ROR1: variants seen among roughly 807,000 people sequenced by gnomAD.
The protein encoded by ROR1 is ROR family WNT receptor 1, also known as inactive tyrosine-protein kinase transmembrane receptor ROR1.
A neutral mutation model predicts 78.8 loss-of-function variants in ROR1; 19 were observed. That is an observed-to-expected ratio of 0.24 (90% CI 0.17 to 0.35). ROR1 has a LOEUF of 0.35. ROR1 is among the 10% of genes least tolerant of loss of function. ROR1 has a pLI of 1.00. For synonymous variants in ROR1, 386 were observed against 433.6 expected, an observed-to-expected ratio of 0.89 and a Z score of 1.36; for missense variants, 917 against 1,177.8, an observed-to-expected ratio of 0.78 and a Z score of 3.24.
chr1:64,012,608 G>A (rs1044375045), intron 2 of ROR1, among the ~76,000 whole-genome samples: 1 of 152,132 alleles, frequency 6.6e-6, no homozygotes, highest in Non-Finnish European at 1.5e-5. Context: ...CTGATGTTGA[G>A]CTTACTTTAA....
intron 2 of ROR1, among the ~76,000 whole-genome samples, chr1:64,035,811 C>G (rs1278918187): frequency 5.9e-5 from 9 of 152,246 alleles, no homozygotes; most frequent in African/African-American, 1.7e-4. Flanking sequence ...GGTTCTCGTT[C>G]CTCCCGAAAC....
intron 1 of ROR1, among the ~76,000 whole-genome samples, chr1:63,889,526 G>A (rs916375240): frequency 2.6e-5 from 4 of 152,134 alleles, no homozygotes; most frequent in African/African-American, 9.6e-5. Flanking sequence ...AGTCCTGGAA[G>A]AACGAAGTGC....
chr1:63,951,614 C>T (rs1645936377), intron 1 of ROR1, among the ~76,000 whole-genome samples: 1 of 152,142 alleles, frequency 6.6e-6, no homozygotes, highest in Non-Finnish European at 1.5e-5. Context: ...CCCAGGGAGC[C>T]ATGAAGATGA....
intron 1 of ROR1, among the ~76,000 whole-genome samples, chr1:63,823,514 A>T (rs946468730): frequency 6.3e-5 from 8 of 126,074 alleles, no homozygotes; most frequent in African/African-American, 2.2e-4. Context: ...CAGTGGTGCT[A>T]TCATAGCTCG....
chr1:64,092,595 C>T (rs903756264), intron 4 of ROR1, among the ~76,000 whole-genome samples: 5 of 152,118 alleles, frequency 3.3e-5, no homozygotes, highest in African/African-American at 9.7e-5. Context: ...CCTACTTCAA[C>T]CTGAATTAAT....
chr1:64,110,293 A>C (rs1361424667), intron 4 of ROR1, among the ~76,000 whole-genome samples: 1 of 152,132 alleles, frequency 6.6e-6, no homozygotes, highest in Non-Finnish European at 1.5e-5. Flanking sequence ...TATGTGCATA[A>C]GTGTATTGTA....
chr1:64,082,297 A>T (rs1038162858), intron 4 of ROR1, among the ~76,000 whole-genome samples: 16 of 152,330 alleles, frequency 1.1e-4, no homozygotes, highest in Admixed American at 2.0e-4. Flanking sequence ...ATGCAAGGGA[A>T]TGATAAAGCT....
intron 2 of ROR1, among the ~76,000 whole-genome samples, chr1:64,015,329 T>C (rs544012668): frequency 1.2e-4 from 18 of 152,292 alleles, no homozygotes; most frequent in African/African-American, 4.3e-4. Context: ...CCAACTAGCA[T>C]GTCTATGGGA....
At chr1:64,132,760 C>CA (rs749607703) in intron 4 of ROR1, among the ~76,000 whole-genome samples, 26,219 of 70,412 alleles carry the variant, frequency 0.37, 6,376 homozygotes, top group East Asian at 0.65. Flanking sequence ...GACTCCATCT[C>CA]AAAAAAAAAA....
intron 4 of ROR1, among the ~76,000 whole-genome samples, chr1:64,095,971 C>G (rs185596854): frequency 1.8e-4 from 27 of 152,204 alleles, no homozygotes; most frequent in Admixed American, 5.2e-4. Context: ...CTAAATAAAC[C>G]TCTTAATACT....
intron 7 of ROR1, among the ~76,000 whole-genome samples, chr1:64,157,015 G>A (rs1649794695): frequency 6.6e-6 from 1 of 152,192 alleles, no homozygotes; most frequent in Admixed American, 6.5e-5. Context: ...GGATAAGGAT[G>A]TCATCTACCT....
chr1:63,793,500 A>G (rs1478004553), intron 1 of ROR1, among the ~76,000 whole-genome samples: 1 of 152,242 alleles, frequency 6.6e-6, no homozygotes, highest in Non-Finnish European at 1.5e-5. Context: ...GAAAATATGT[A>G]CATCTATTAT....
At chr1:63,782,023 C>G (rs1487640033) in intron 1 of ROR1, among the ~76,000 whole-genome samples, 1 of 152,128 alleles carries the variant, frequency 6.6e-6, no homozygotes, top group Non-Finnish European at 1.5e-5. Context: ...CTATAGCGCT[C>G]CTAGAACTCT....
chr1:63,774,352 A>G lies in ROR1; in HGVS notation c.-66A>G, dbSNP rs1472489432. 2.8e-6 allele frequency: 3 copies of G among 1,064,350 alleles called. No individual in the cohort carries two copies. Among genetic ancestry groups the G allele is most frequent in the South Asian group, 1.7e-5 (1 of 59,836 alleles). 65.9% of individuals were successfully genotyped at this position (1,064,350 alleles called of 1,614,324 possible). On this transcript the variant is annotated 5_prime_UTR_variant, in exon 1 of 9. Transcript: ENST00000371079. This position sits in a 1 kb window ranked among gnomAD's most constrained non-coding sequence, Gnocchi z 5.7. ...GGACGAGGCGGCCGGGAGCCCGGGA[A>G]GAGCCCGTGGATGTTCTGCGCGCGG...
chr1:64,061,013 C>T (rs1270412834), intron 4 of ROR1, among the ~76,000 whole-genome samples: 2 of 152,114 alleles, frequency 1.3e-5, no homozygotes, highest in African/African-American at 2.4e-5. Flanking sequence ...ACACCCTTGC[C>T]TTCTAGGAGT....
chr1:63,916,199 C>T (rs1288553336), intron 1 of ROR1, among the ~76,000 whole-genome samples: 1 of 152,172 alleles, frequency 6.6e-6, no homozygotes, highest in Non-Finnish European at 1.5e-5. Context: ...TAAGTTTCCT[C>T]TTCGCATGAA....
At position 63,793,993 on chromosome 1, in the gene ROR1, G is replaced by A. The variant is rs575612090; in HGVS notation, c.91+19485G>A. 8.9e-4 allele frequency among the ~76,000 whole-genome samples: 136 copies of A among 152,276 alleles called. 1 individual carries two copies. Among genetic ancestry groups the A allele is most frequent in the African/African-American group, 3.2e-3 (133 of 41,550 alleles). ...GCACCTAGGATTAGATAGAACTGCCGCTAATGCAGTTAGGTAAAGGCAAGG... is the reference window on the plus strand; with the variant it reads ...GCACCTAGGATTAGATAGAACTGCCACTAATGCAGTTAGGTAAAGGCAAGG... On this transcript the variant is annotated intron_variant, in intron 1 of 8. Transcript: ENST00000371079.
At chr1:64,059,708 T>TA (rs75359961) in intron 4 of ROR1, among the ~76,000 whole-genome samples, 97,133 of 130,824 alleles carry the variant, frequency 0.74, 35,995 homozygotes, top group East Asian at 0.86. Flanking sequence ...GACTCCATCT[T>TA]AAAAAAAAAA....
intron 2 of ROR1, among the ~76,000 whole-genome samples, chr1:64,046,255 C>G (rs1323910743): frequency 6.6e-6 from 1 of 152,180 alleles, no homozygotes; most frequent in Non-Finnish European, 1.5e-5. Flanking sequence ...TGTGAATTCC[C>G]TCTGGACTGG....
Sources: allele counts gnomAD v4.1 joint callset (sites outside exome capture counted in the v4.1 genomes callset), GRCh38; gene constraint gnomAD v4.1.1; non-coding constraint Gnocchi (gnomAD v3.1); transcripts MANE v1.5; gene names NCBI Gene and HGNC (gene_info 2026-07-23, HGNC 2026-07-21).